The following CNTNAP2 variants were observed in gnomAD, a reference collection of about 807,000 sequenced individuals.
CNTNAP2 encodes contactin associated protein 2, also known as contactin-associated protein-like 2.
CNTNAP2 carries 98 observed loss-of-function variants against 155.2 expected under a neutral mutation model. That is an observed-to-expected ratio of 0.63 (90% CI 0.54 to 0.75). The LOEUF (loss-of-function observed/expected upper bound fraction) is 0.75, where lower values mean the gene tolerates loss of function less well. Among genes scored for constraint, CNTNAP2 ranks in the 30% least tolerant of loss-of-function variants. CNTNAP2 has a pLI of 0.00. For synonymous variants in CNTNAP2, 651 were observed against 631.2 expected, an observed-to-expected ratio of 1.03 and a Z score of -0.47; for missense variants, 1,727 against 1,688.1, an observed-to-expected ratio of 1.02 and a Z score of -0.40.
At chr7:147,430,951 G>A (rs1012952475) in intron 10 of CNTNAP2, among the ~76,000 whole-genome samples, 5 of 151,834 alleles carry the variant, frequency 3.3e-5, no homozygotes, top group African/African-American at 1.2e-4. Flanking sequence ...GGGAGGCTGA[G>A]GCAGGAGAAT....
chr7:146,938,272 A>C (rs941895449), intron 3 of CNTNAP2, among the ~76,000 whole-genome samples: 2 of 152,016 alleles, frequency 1.3e-5, no homozygotes, highest in Non-Finnish European at 2.9e-5. Flanking sequence ...GTAATAAATT[A>C]AGAGCGTCCT....
chr7:147,289,939 C>T (rs1447713195), intron 8 of CNTNAP2, among the ~76,000 whole-genome samples: 31 of 152,156 alleles, frequency 2.0e-4, no homozygotes, highest in Non-Finnish European at 1.3e-4. Flanking sequence ...AATAGCACCA[C>T]TATTACTCCA....
At chr7:146,242,422 C>A (rs1341738824) in intron 1 of CNTNAP2, among the ~76,000 whole-genome samples, 6 of 151,820 alleles carry the variant, frequency 4.0e-5, no homozygotes, top group Non-Finnish European at 2.9e-5. Context: ...GCCTGTAGTC[C>A]CAGCTACTCG....
At chr7:147,214,944 G>T (rs1359431449) in intron 8 of CNTNAP2, among the ~76,000 whole-genome samples, 1 of 152,070 alleles carries the variant, frequency 6.6e-6, no homozygotes. Context: ...TCCTCACAAG[G>T]CAGCAGGAGA....
chr7:147,537,532 T>G (rs746416697), intron 11 of CNTNAP2, among the ~76,000 whole-genome samples: 3 of 152,082 alleles, frequency 2.0e-5, no homozygotes, highest in Non-Finnish European at 4.4e-5. Flanking sequence ...GGGGCCTTAC[T>G]TACCTACAAA....
chr7:148,396,975 G>T (rs551286431), intron 22 of CNTNAP2, among the ~76,000 whole-genome samples: 1 of 152,244 alleles, frequency 6.6e-6, no homozygotes, highest in African/African-American at 2.4e-5. Flanking sequence ...TCATTGACGG[G>T]AATTTTAACT....
At chr7:147,796,137 C>T (rs1797889792) in intron 13 of CNTNAP2, among the ~76,000 whole-genome samples, 1 of 152,148 alleles carries the variant, frequency 6.6e-6, no homozygotes, top group Non-Finnish European at 1.5e-5. Context: ...ATAAGCTAGT[C>T]CAAGATGCCT....
At chr7:147,968,522 C>T (rs1801266848) in intron 14 of CNTNAP2, among the ~76,000 whole-genome samples, 1 of 152,134 alleles carries the variant, frequency 6.6e-6, no homozygotes, top group African/African-American at 2.4e-5. Flanking sequence ...ACCCAAGGCC[C>T]ATCAAGGCAA....
chr7:146,504,654 G>A (rs766301421), intron 1 of CNTNAP2, among the ~76,000 whole-genome samples: 6 of 152,186 alleles, frequency 3.9e-5, no homozygotes, highest in Non-Finnish European at 8.8e-5. Flanking sequence ...ATGCTAAGAG[G>A]TAGAGCCACC....
intron 1 of CNTNAP2, among the ~76,000 whole-genome samples, chr7:146,538,303 G>A (rs1797900729): frequency 6.6e-6 from 1 of 152,060 alleles, no homozygotes; most frequent in South Asian, 2.1e-4. Flanking sequence ...ACAACAATGA[G>A]CATTGATTTC....
At chr7:146,483,286 T>A (rs796943196) in intron 1 of CNTNAP2, among the ~76,000 whole-genome samples, 5,115 of 33,600 alleles carry the variant, frequency 0.15, 400 homozygotes, top group African/African-American at 0.34. Flanking sequence ...AAAAAAAATA[T>A]ATATATATAT....
chr7:148,017,909 T>C (rs1020355928), intron 15 of CNTNAP2, among the ~76,000 whole-genome samples: 5 of 152,232 alleles, frequency 3.3e-5, no homozygotes, highest in Non-Finnish European at 5.9e-5. Context: ...AAAATGGTAA[T>C]GGCTTAAGCC....
intron 11 of CNTNAP2, among the ~76,000 whole-genome samples, chr7:147,555,917 C>T (rs535819549): frequency 1.3e-5 from 2 of 152,308 alleles, no homozygotes; most frequent in East Asian, 1.9e-4. Context: ...ATTCTTTAAT[C>T]GATGCTTTAT....
At chr7:146,431,726 A>G (rs1724506) in intron 1 of CNTNAP2, among the ~76,000 whole-genome samples, 64,315 of 151,732 alleles carry the variant, frequency 0.42, 16,585 homozygotes, top group African/African-American at 0.73. Flanking sequence ...GTAAGTAAGA[A>G]AAAGTTTTGA....
intron 15 of CNTNAP2, among the ~76,000 whole-genome samples, chr7:148,046,611 G>A (rs889982807): frequency 3.3e-5 from 5 of 152,134 alleles, no homozygotes; most frequent in African/African-American, 1.2e-4. Flanking sequence ...ATCATTGCCT[G>A]GAATTGAAGT....
At chr7:146,641,931 T>C (rs949095581) in intron 1 of CNTNAP2, among the ~76,000 whole-genome samples, 3 of 152,058 alleles carry the variant, frequency 2.0e-5, no homozygotes, top group African/African-American at 7.2e-5. Context: ...GTGAGTCAGA[T>C]TAAAAAAAGT....
At chr7:146,590,117 A>T (rs1260216316) in intron 1 of CNTNAP2, among the ~76,000 whole-genome samples, 4 of 152,048 alleles carry the variant, frequency 2.6e-5, no homozygotes, top group African/African-American at 9.7e-5. Context: ...TTTTGTTCCC[A>T]CCACATTGAC....
intron 12 of CNTNAP2, among the ~76,000 whole-genome samples, chr7:147,568,300 AT>A (rs1279433338): frequency 6.6e-6 from 1 of 152,044 alleles, no homozygotes; most frequent in Non-Finnish European, 1.5e-5. Flanking sequence ...TGAATTTACT[AT>A]TTCTTGCTAA....
chr7:147,177,017 C>A (rs1208703648), intron 8 of CNTNAP2, among the ~76,000 whole-genome samples: 3 of 136,998 alleles, frequency 2.2e-5, no homozygotes. Context: ...ATATATAATT[C>A]TATATAGAAT....
Sources: gnomAD v4.1 joint callset for allele counts (sites outside exome capture counted in the v4.1 genomes callset) on GRCh38, gnomAD v4.1.1 for gene constraint, MANE v1.5 for transcripts, NCBI Gene and HGNC (gene_info 2026-07-23, HGNC 2026-07-21) for gene names.